LDAH: variants seen among roughly 807,000 people sequenced by gnomAD.
LDAH encodes lipid droplet-associated hydrolase.
A neutral mutation model predicts 29.6 loss-of-function variants in LDAH; 26 were observed. The observed-to-expected ratio is 0.88, with a 90% CI of 0.64 to 1.22. The LOEUF (loss-of-function observed/expected upper bound fraction) is 1.22, where lower values mean the gene tolerates loss of function less well. LDAH is among the 50% of genes most tolerant of loss of function. The probability of loss-of-function intolerance (pLI) is 0.00; values close to 1 mark genes in which losing one functional copy is unlikely to be tolerated. For missense variants in LDAH, 344 were observed against 387.3 expected, an observed-to-expected ratio of 0.89 and a Z score of 0.94; for synonymous variants, 117 against 133.0, an observed-to-expected ratio of 0.88 and a Z score of 0.83.
intron 2 of LDAH, among the ~76,000 whole-genome samples, chr2:20,794,949 A>G (rs1243259341): frequency 6.6e-6 from 1 of 152,218 alleles, no homozygotes; most frequent in Non-Finnish European, 1.5e-5. Flanking sequence ...AGTACTTCAT[A>G]CTTCACCATT....
intron 4 of LDAH, among the ~76,000 whole-genome samples, chr2:20,763,598 G>GGTAGTGATA (rs1448199362): frequency 7.2e-5 from 11 of 152,182 alleles, no homozygotes; most frequent in African/African-American, 2.4e-4. Flanking sequence ...GCCAAGAAGA[G>GGTAGTGATA]GTAGTGATAA....
intron 5 of LDAH, among the ~76,000 whole-genome samples, chr2:20,731,438 C>A (rs1666401383): frequency 6.6e-6 from 1 of 152,190 alleles, no homozygotes; most frequent in African/African-American, 2.4e-5. Context: ...GAGGCGTCCG[C>A]AGAAGTGGAT....
At position 20,754,500 on chromosome 2, in the gene LDAH, C is replaced by CAA. The variant is rs61076745; in HGVS notation, c.469-14297_469-14296dup. Among the ~76,000 whole-genome samples, 409 of 77,396 alleles carry CAA rather than the reference C, an allele frequency of 5.3e-3. 12 individuals carry two copies. The highest frequency in any genetic ancestry group is 0.016 in the African/African-American group (296 of 18,434). 50.8% of individuals were successfully genotyped at this position (77,396 alleles called of 152,430 possible). On this transcript the variant is annotated intron_variant, in intron 4 of 6. Transcript: ENST00000237822. Reference sequence around the variant, plus strand: ...AGCAAGACTCCAACTACCCTCGCCACAAAAAAAAAAAAAAAAAAAAAGGAA... The same window carrying CAA: ...AGCAAGACTCCAACTACCCTCGCCACAAAAAAAAAAAAAAAAAAAAAAAGGAA...
chr2:20,721,050 A>G (rs1442064236), intron 5 of LDAH, among the ~76,000 whole-genome samples: 2 of 152,192 alleles, frequency 1.3e-5, no homozygotes, highest in African/African-American at 4.8e-5. Flanking sequence ...GGAATGCTAC[A>G]GGACATTGGT....
At chr2:20,797,716 C>G (rs1671396115) in intron 2 of LDAH, among the ~76,000 whole-genome samples, 2 of 151,730 alleles carry the variant, frequency 1.3e-5, no homozygotes, top group South Asian at 4.2e-4. Context: ...TTGAGGAAAA[C>G]TAAAGACTAA....
intron 5 of LDAH, among the ~76,000 whole-genome samples, chr2:20,719,819 CA>C (rs960120273): frequency 5.4e-4 from 82 of 152,208 alleles, no homozygotes; most frequent in African/African-American, 1.9e-3. Context: ...TCAGCATACA[CA>C]AATCAATAAA....
At position 20,686,585 on chromosome 2, in the gene LDAH, T is replaced by A. The variant is rs1283346137; in HGVS notation, c.*318A>T. 1 of 201,284 alleles carries A rather than the reference T, an allele frequency of 5.0e-6. No individual in the cohort carries two copies. The highest frequency in any genetic ancestry group is 1.1e-4 in the East Asian group (1 of 8,808). The allele number at this position is 201,284 out of a possible 1,614,324, so 12.5% of individuals were successfully genotyped here. Reference sequence around the variant, plus strand: ...CAATTAAAATCAAGTACATGTAGATTTTTTTTTCATCTGCAAAGATCCTGC... The same window carrying A: ...CAATTAAAATCAAGTACATGTAGATATTTTTTTCATCTGCAAAGATCCTGC... On this transcript the variant is annotated 3_prime_UTR_variant, in exon 7 of 7. Transcript: ENST00000237822.
At chr2:20,795,840 T>G (rs2125089232) in intron 2 of LDAH, among the ~76,000 whole-genome samples, 1 of 152,140 alleles carries the variant, frequency 6.6e-6, no homozygotes, top group South Asian at 2.1e-4. Flanking sequence ...TGTCAGTCTA[T>G]CAGAGACGGA....
Position 20,751,308 on chromosome 2 carries a change from A to G in LDAH, c.469-11103T>C, listed in dbSNP as rs576751208. 1.4e-4 allele frequency among the ~76,000 whole-genome samples: 21 copies of G among 152,280 alleles called. No individual in the cohort carries two copies. The South Asian group carries it at 1.7e-3, about 12-fold the overall frequency. On this transcript the variant is annotated intron_variant, in intron 4 of 6. Coordinates refer to ENST00000237822, the MANE Select transcript of LDAH (RefSeq NM_021925.4). Reference sequence around the variant, plus strand: ...GGAATGTAGTTTCCACTAGTAAAATATAATTACTGCATGAAAGATGCACAT... The same window carrying G: ...GGAATGTAGTTTCCACTAGTAAAATGTAATTACTGCATGAAAGATGCACAT...
intron 5 of LDAH, among the ~76,000 whole-genome samples, chr2:20,739,084 C>T (rs538543049): frequency 6.6e-6 from 1 of 152,336 alleles, no homozygotes; most frequent in East Asian, 1.9e-4. Flanking sequence ...AATCATGTAA[C>T]CTCTTTGTAC....
chr2:20,686,471 C>A lies in LDAH; in HGVS notation c.*432G>T, dbSNP rs1270647353. On this transcript the variant is annotated 3_prime_UTR_variant, in exon 7 of 7. Coordinates refer to ENST00000237822, the MANE Select transcript of LDAH (RefSeq NM_021925.4). ...AATCTCATACACTTCACATATCTAA[C>A]TATACTCTTAACATTCACTGATTTA... 6.4e-6 allele frequency: 1 copy of A among 155,936 alleles called. No individual in the cohort carries two copies. Among genetic ancestry groups the A allele is most frequent in the African/African-American group, 2.4e-5 (1 of 41,512 alleles). The allele number at this position is 155,936 out of a possible 1,614,324, so 9.7% of individuals were successfully genotyped here.
intron 1 of LDAH, among the ~76,000 whole-genome samples, chr2:20,803,745 GTCTGAACC>G (rs1164605050): frequency 6.6e-6 from 1 of 152,178 alleles, no homozygotes; most frequent in Non-Finnish European, 1.5e-5. Flanking sequence ...TTTCAATGAG[GTCTGAACC>G]TCATTTCAAT....
chr2:20,773,405 A>G lies in LDAH; in HGVS notation c.468+1405T>C, dbSNP rs887637525. On this transcript the variant is annotated intron_variant, in intron 4 of 6. Coordinates refer to ENST00000237822, the MANE Select transcript of LDAH (RefSeq NM_021925.4). ...CAACTGTGCAAGTAGAACCACTAAG[A>G]GGCAGAGCTGGACACCATAAAGATG... 2.6e-5 allele frequency among the ~76,000 whole-genome samples: 4 copies of G among 152,130 alleles called. No homozygotes were observed. In the South Asian group the frequency reaches 8.3e-4, roughly 32 times the overall value.
At chr2:20,788,196 T>C (rs1670690156) in intron 3 of LDAH, among the ~76,000 whole-genome samples, 1 of 152,166 alleles carries the variant, frequency 6.6e-6, no homozygotes, top group African/African-American at 2.4e-5. Context: ...TTATACAACA[T>C]ACTCCCTGCA....
chr2:20,752,728 C>T (rs1668051566), intron 4 of LDAH, among the ~76,000 whole-genome samples: 1 of 152,198 alleles, frequency 6.6e-6, no homozygotes, highest in African/African-American at 2.4e-5. Flanking sequence ...GTTTTGGAGG[C>T]CAAATCAGTA....
chr2:20,788,625 G>A (rs1304120796), intron 3 of LDAH, among the ~76,000 whole-genome samples: 3 of 152,080 alleles, frequency 2.0e-5, no homozygotes, highest in Non-Finnish European at 4.4e-5. Flanking sequence ...AGCACAAAAA[G>A]ATGCTCATAC....
Position 20,686,718 on chromosome 2 carries a change from G to C in LDAH, c.*185C>G. ...TGGAAAATGTATGGTTAAACCTATGGAATGATTCATCAACTGTGTTTACTT... is the reference window on the plus strand; with the variant it reads ...TGGAAAATGTATGGTTAAACCTATGCAATGATTCATCAACTGTGTTTACTT... On this transcript the variant is annotated 3_prime_UTR_variant, in exon 7 of 7. Transcript: ENST00000237822. The C allele has an allele frequency of 1.8e-6, 1 of 547,274 alleles. No individual in the cohort carries two copies. Among genetic ancestry groups the C allele is most frequent in the Non-Finnish European group, 3.2e-6 (1 of 311,460 alleles). 33.9% of individuals were successfully genotyped at this position (547,274 alleles called of 1,614,324 possible).
chr2:20,706,139 G>C (rs542995003), intron 5 of LDAH, among the ~76,000 whole-genome samples: 1 of 152,156 alleles, frequency 6.6e-6, no homozygotes, highest in Non-Finnish European at 1.5e-5. Flanking sequence ...AAATAAGGCC[G>C]ACCTTACAGA....
chr2:20,764,660 A>G lies in LDAH; in HGVS notation c.468+10150T>C, dbSNP rs1013900358. Among the ~76,000 whole-genome samples the G allele has an allele frequency of 3.3e-5, 5 of 152,234 alleles. No homozygotes were observed. In the East Asian group the frequency reaches 5.8e-4, roughly 18 times the overall value. On this transcript the variant is annotated intron_variant, in intron 4 of 6. Coordinates refer to ENST00000237822, the MANE Select transcript of LDAH (RefSeq NM_021925.4). ...CTCACTGTGTGTTTGAAGAACTCAAATATTAAAAAAGCAAAAATAGAAATC... is the reference window on the plus strand; with the variant it reads ...CTCACTGTGTGTTTGAAGAACTCAAGTATTAAAAAAGCAAAAATAGAAATC...
Sources: gnomAD v4.1 joint callset for allele counts (sites outside exome capture counted in the v4.1 genomes callset) on GRCh38, gnomAD v4.1.1 for gene constraint, MANE v1.5 for transcripts, NCBI Gene and HGNC (gene_info 2026-07-23, HGNC 2026-07-21) for gene names.